CTDSP1: variants seen among roughly 807,000 people sequenced by gnomAD.
CTDSP1 encodes CTD small phosphatase 1, also known as carboxy-terminal domain RNA polymerase II polypeptide A small phosphatase 1.
A neutral mutation model predicts 32.5 loss-of-function variants in CTDSP1; 15 were observed. The observed-to-expected ratio is 0.46, with a 90% CI of 0.31 to 0.71. CTDSP1 has a LOEUF of 0.71. CTDSP1 is among the 30% of genes least tolerant of loss of function. The pLI is 0.05. For missense variants in CTDSP1, 294 were observed against 351.1 expected (o/e 0.84, Z 1.30); for synonymous variants, 185 against 145.4 (o/e 1.27, Z -1.96).
chr2:218,398,795 C>T (rs572862211), upstream of CTDSP1: 14 of 203,362 alleles, frequency 6.9e-5, 1 homozygote, highest in South Asian at 5.6e-4. Flanking sequence ...ATAGTAACGA[C>T]GAGTGAAAAG....
At chr2:218,398,506 G>A (rs1248598727), upstream of CTDSP1, 9 of 1,406,678 alleles carry the variant, frequency 6.4e-6, no homozygotes, top group Non-Finnish European at 7.5e-6. Context: ...GTCCCCTCCC[G>A]CCCCTACTCC....
upstream of CTDSP1, among the ~76,000 whole-genome samples, chr2:218,397,324 G>T (rs1174697981): frequency 6.6e-6 from 1 of 152,162 alleles, no homozygotes; most frequent in Non-Finnish European, 1.5e-5. Context: ...GGTTCTTCCA[G>T]CCTGGCCTCA....
intron 2 of CTDSP1, 69 bp from the exon 3 acceptor site, chr2:218,402,042 A>G (rs1001753386): frequency 1.8e-5 from 19 of 1,079,586 alleles, no homozygotes; most frequent in Non-Finnish European, 2.5e-5. Flanking sequence ...GGCTAGGGGG[A>G]GAAGCCTGCG....
chr2:218,401,687 T>C lies in CTDSP1; in HGVS notation c.191T>C (p.Val64Ala). Reference sequence around the variant, plus strand: ...GCTCACAGCGGGGCGCCCCTGCTTGTGGAGGAGAATGGCGCCATCCCTAAG... The same window carrying C: ...GCTCACAGCGGGGCGCCCCTGCTTGCGGAGGAGAATGGCGCCATCCCTAAG... ...LPAHSGAPLLVEENGAIPKQT... is the reference protein window; with the variant it reads ...LPAHSGAPLLAEENGAIPKQT... Residue 64 changes from valine to alanine, a missense_variant, in exon 2 of 7, where the codon GTG becomes GCG. Around this residue, in one of 2 missense-constraint regions of CTDSP1, gnomAD observed 148 missense variants for 113.3 expected, o/e 1.31. Transcript: ENST00000273062. 6.3e-7 allele frequency: 1 copy of C among 1,595,412 alleles called. No individual in the cohort carries two copies.
Position 218,404,178 on chromosome 2 carries a change from CTG to C in CTDSP1, c.658-116_658-115del, listed in dbSNP as rs1697300495. On this transcript the variant is annotated intron_variant, in intron 6 of 6. Transcript: ENST00000273062. The stretch of plus-strand genomic sequence containing the variant: ...GATTGCTGTCAAAAAAGTTTGAACA[CTG>C]TGGGTGAGGGGTTTTCAGAAACTGC... The C allele has an allele frequency of 8.6e-6, 11 of 1,274,402 alleles. No homozygotes were observed. In the South Asian group the frequency reaches 1.2e-4, roughly 14 times the overall value. The allele number at this position is 1,274,402 out of a possible 1,614,324, so 78.9% of individuals were successfully genotyped here.
chr2:218,403,014 C>G (rs530186884), intron 4 of CTDSP1, 21 bp from the exon 5 acceptor site: 9 of 1,604,358 alleles, frequency 5.6e-6, no homozygotes, highest in Non-Finnish European at 7.7e-6. Context: ...CCCGCAGCCC[C>G]CTCACTGGCC....
chr2:218,403,494 C>T, intron 6 of CTDSP1, 77 bp downstream of exon 6: 2 of 1,368,540 alleles, frequency 1.5e-6, no homozygotes, highest in Non-Finnish European at 2.0e-6. Flanking sequence ...CCACCTTGGC[C>T]TCTTGGATCC....
chr2:218,399,810 G>C (rs989769629), upstream of CTDSP1: 4 of 1,143,880 alleles, frequency 3.5e-6, no homozygotes, highest in South Asian at 1.2e-4. Context: ...TCCAGGTCAC[G>C]CCGAAGCCGT....
At chr2:218,404,176 C>T in intron 6 of CTDSP1, 121 bp from the exon 7 acceptor site, 6 of 1,242,922 alleles carry the variant, frequency 4.8e-6, no homozygotes, top group Non-Finnish European at 6.7e-6. Context: ...AAAGTTTGAA[C>T]ACTGTGGGTG....
chr2:218,403,424 G>A lies in CTDSP1; in HGVS notation c.657+7G>A, dbSNP rs199803146. On this transcript the variant is annotated splice_region_variant and intron_variant, in intron 6 of 6. Coordinates refer to ENST00000273062, the MANE Select transcript of CTDSP1 (RefSeq NM_021198.3). Reference sequence around the variant, plus strand: ...CTTCCATCCAGACAATGCTGTGAGTGCGGGCTGGACTGGGACTGGGACAGG... The same window carrying A: ...CTTCCATCCAGACAATGCTGTGAGTACGGGCTGGACTGGGACTGGGACAGG... The A allele has an allele frequency of 2.5e-6, 4 of 1,583,232 alleles. No homozygotes were observed. Among genetic ancestry groups the A allele is most frequent in the Non-Finnish European group, 3.4e-6 (4 of 1,163,952 alleles).
At position 218,400,021 on chromosome 2, in the gene CTDSP1, C is replaced by A; in HGVS notation, c.-70C>A. 1.0e-6 allele frequency: 1 copy of A among 976,118 alleles called. No individual in the cohort carries two copies. The highest frequency in any genetic ancestry group is 1.3e-6 in the Non-Finnish European group (1 of 779,216). 60.5% of individuals were successfully genotyped at this position (976,118 alleles called of 1,614,324 possible). ...CTCCCCTCCCCCCCGCGCCCCGATT[C>A]CGGCCCCAGCCGGGGGGGAGGCCGG... On this transcript the variant is annotated 5_prime_UTR_variant, in exon 1 of 7. Coordinates refer to ENST00000273062, the MANE Select transcript of CTDSP1 (RefSeq NM_021198.3).
chr2:218,398,210 T>G, upstream of CTDSP1: 1 of 578,968 alleles, frequency 1.7e-6, no homozygotes, highest in Non-Finnish European at 3.1e-6. Flanking sequence ...GAGACAGATG[T>G]CCCGCTCCCA....
upstream of CTDSP1, chr2:218,399,792 C>T (rs1265486446): frequency 9.1e-7 from 1 of 1,100,298 alleles, no homozygotes; most frequent in Non-Finnish European, 1.1e-6. Context: ...GCGAAAGCCG[C>T]AGCCGAGTCC....
upstream of CTDSP1, chr2:218,398,488 C>T (rs1559132451): frequency 2.7e-6 from 4 of 1,484,634 alleles, no homozygotes; most frequent in Non-Finnish European, 2.7e-6. Context: ...GGGTATCAGT[C>T]CCCGACAGTC....
At chr2:218,400,402 A>T (rs1697058556) in intron 1 of CTDSP1, 1 of 538,922 alleles carries the variant, frequency 1.9e-6, no homozygotes, top group Non-Finnish European at 3.2e-6. Flanking sequence ...AGGCAGGAAT[A>T]GAGAGGGAAC....
At chr2:218,399,767 C>T (rs1050692979), upstream of CTDSP1, 29 of 1,050,742 alleles carry the variant, frequency 2.8e-5, no homozygotes, top group South Asian at 1.3e-4. Context: ...CCTAGCCGCG[C>T]CGGTCCCAGA....
Position 218,400,022 on chromosome 2 carries a change from C to T in CTDSP1, c.-69C>T, listed in dbSNP as rs1300605459. On this transcript the variant is annotated 5_prime_UTR_variant, in exon 1 of 7. Transcript: ENST00000273062. ...TCCCCTCCCCCCCGCGCCCCGATTC[C>T]GGCCCCAGCCGGGGGGGAGGCCGGG... 2 of 1,258,782 alleles carry T rather than the reference C, an allele frequency of 1.6e-6. No homozygotes were observed. The highest frequency in any genetic ancestry group is 1.6e-5 in the African/African-American group (1 of 62,104). The allele number at this position is 1,258,782 out of a possible 1,614,324, so 78.0% of individuals were successfully genotyped here.
upstream of CTDSP1, among the ~76,000 whole-genome samples, chr2:218,397,775 G>T (rs1659723228): frequency 1.3e-5 from 2 of 152,242 alleles, no homozygotes; most frequent in South Asian, 4.1e-4. Flanking sequence ...ACGCAATCCT[G>T]GCCTCTCGCT....
chr2:218,400,272 C>G, intron 1 of CTDSP1, 115 bp downstream of exon 1: 1 of 904,412 alleles, frequency 1.1e-6, no homozygotes, highest in South Asian at 1.5e-5. Context: ...CTTAGCTGTG[C>G]CCGAAGCTCC....
Sources: allele counts gnomAD v4.1 joint callset (sites outside exome capture counted in the v4.1 genomes callset), GRCh38; gene constraint gnomAD v4.1.1; regional missense constraint gnomAD v4.1.1; transcripts MANE v1.5; gene names NCBI Gene and HGNC (gene_info 2026-07-23, HGNC 2026-07-21).